Variants in PDS5A observed in about 807,000 individuals in gnomAD.
PDS5A encodes the protein PDS5 cohesin associated factor A.
In PDS5A, 42 loss-of-function variants were observed where a neutral mutation model predicts 167.1. The observed-to-expected ratio is 0.25, with a 90% CI of 0.20 to 0.33. The LOEUF (loss-of-function observed/expected upper bound fraction) is 0.33, where lower values mean the gene tolerates loss of function less well. Ranked by LOEUF, PDS5A falls within the 10% of genes least tolerant of loss-of-function variation. The pLI, the probability that PDS5A is intolerant of heterozygous loss-of-function variation, is 1.00. For synonymous variants in PDS5A, 553 were observed against 554.6 expected (o/e 1.00, Z 0.04); for missense variants, 1,033 against 1,605.9 (o/e 0.64, Z 6.10).
intron 28 of PDS5A, chr4:39,847,525 G>A (rs1578597231): frequency 1.3e-5 from 2 of 151,952 alleles, no homozygotes; most frequent in Non-Finnish European, 2.9e-5. Context: ...AACTGATTGA[G>A]CCAGGGAGTT....
chr4:39,894,450 A>G (rs1292721552), intron 16 of PDS5A, among the ~76,000 whole-genome samples: 1 of 152,112 alleles, frequency 6.6e-6, no homozygotes, highest in Non-Finnish European at 1.5e-5. Context: ...AAATTTAAAA[A>G]AGAAGTGCAA....
intron 2 of PDS5A, among the ~76,000 whole-genome samples, chr4:39,954,695 A>C (rs868729435): frequency 6.6e-6 from 1 of 151,376 alleles, no homozygotes; most frequent in Non-Finnish European, 1.5e-5. Flanking sequence ...AAAAAAAAAA[A>C]AACAGAAACA....
chr4:39,879,652 A>C, intron 18 of PDS5A, 76 bp downstream of exon 18: 2 of 759,742 alleles, frequency 2.6e-6, no homozygotes, highest in Non-Finnish European at 4.7e-6. Context: ...AATAAGCCTG[A>C]CTCTTGCATA....
chr4:39,892,016 T>TG (rs1184284614), intron 16 of PDS5A, among the ~76,000 whole-genome samples: 14 of 151,740 alleles, frequency 9.2e-5, no homozygotes, highest in Middle Eastern at 3.2e-3. Context: ...GAGGCTGAGG[T>TG]GGGGGGGATC....
intron 26 of PDS5A, among the ~76,000 whole-genome samples, chr4:39,857,589 T>C (rs1249866835): frequency 2.0e-5 from 3 of 152,064 alleles, no homozygotes; most frequent in Admixed American, 6.6e-5. Context: ...ACAGTAACCA[T>C]AAGAGAGATA....
chr4:39,956,396 G>T (rs770575227), intron 2 of PDS5A, among the ~76,000 whole-genome samples: 48 of 151,122 alleles, frequency 3.2e-4, no homozygotes, highest in Admixed American at 4.6e-4. Flanking sequence ...GGGAGGCTGA[G>T]GTGGGAGGAT....
chr4:39,848,712 C>T, intron 28 of PDS5A, 139 bp downstream of exon 28: 1 of 686,360 alleles, frequency 1.5e-6, no homozygotes, highest in Non-Finnish European at 2.5e-6. Context: ...CTGTGTAAGA[C>T]AATTTCCCAC....
At chr4:39,963,437 C>T (rs1454517488) in intron 2 of PDS5A, among the ~76,000 whole-genome samples, 2 of 151,018 alleles carry the variant, frequency 1.3e-5, no homozygotes, top group African/African-American at 4.9e-5. Flanking sequence ...TCAGCCTGGG[C>T]AAAAATAGCC....
intron 17 of PDS5A, among the ~76,000 whole-genome samples, chr4:39,885,968 GA>G (rs1321596585): frequency 2.0e-5 from 3 of 151,590 alleles, no homozygotes; most frequent in African/African-American, 7.3e-5. Context: ...AAAAGAGAAA[GA>G]AAAAAAAGCC....
intron 30 of PDS5A, 48 bp from the exon 31 acceptor site, chr4:39,842,104 G>C (rs754830715): frequency 1.7e-6 from 2 of 1,193,020 alleles, no homozygotes; most frequent in Non-Finnish European, 2.5e-6. Context: ...TGAAGAGAAA[G>C]TTCACTCTCT....
chr4:39,845,680 T>C, intron 29 of PDS5A, 138 bp downstream of exon 29: 1 of 975,378 alleles, frequency 1.0e-6, no homozygotes, highest in Non-Finnish European at 1.3e-6. Context: ...ATGGCTGCTT[T>C]AGATGCTTTA....
intron 2 of PDS5A, among the ~76,000 whole-genome samples, chr4:39,948,922 GC>G (rs961644419): frequency 1.3e-5 from 2 of 152,020 alleles, no homozygotes; most frequent in African/African-American, 4.8e-5. Flanking sequence ...ACTGAGCCCA[GC>G]CCAACCCCAT....
At chr4:39,919,235 C>A (rs891751879) in intron 7 of PDS5A, among the ~76,000 whole-genome samples, 4 of 151,910 alleles carry the variant, frequency 2.6e-5, no homozygotes, top group African/African-American at 9.7e-5. Context: ...GAAAGAAACA[C>A]TGAAAAGACC....
intron 32 of PDS5A, among the ~76,000 whole-genome samples, chr4:39,827,999 C>T (rs1230642735): frequency 6.6e-6 from 1 of 152,144 alleles, no homozygotes; most frequent in Non-Finnish European, 1.5e-5. Flanking sequence ...AGAGGAAAAA[C>T]AAGTGAACTA....
rs899423117 is a variant in PDS5A, at chr4:39,823,862, CTTGA to C, written c.*1619_*1622del. 2.6e-5 allele frequency: 4 copies of C among 152,606 alleles called. No individual in the cohort carries two copies. Among genetic ancestry groups the C allele is most frequent in the Admixed American group, 6.5e-5 (1 of 15,278 alleles). The allele number at this position is 152,606 out of a possible 1,614,324, so 9.5% of individuals were successfully genotyped here. On this transcript the variant is annotated 3_prime_UTR_variant, in exon 33 of 33. Coordinates refer to ENST00000303538, the MANE Select transcript of PDS5A (RefSeq NM_001100399.2). ...TCTTTCAGTCAATACACAGCCAACTCTTGATTATCTATGAGAAACGTAAGTGACA... is the reference window on the plus strand; with the variant it reads ...TCTTTCAGTCAATACACAGCCAACTCTTATCTATGAGAAACGTAAGTGACA...
chr4:39,855,831 GA>G (rs1290969885), intron 26 of PDS5A, among the ~76,000 whole-genome samples: 1 of 152,064 alleles, frequency 6.6e-6, no homozygotes, highest in Non-Finnish European at 1.5e-5. Context: ...ACAATCTAAT[GA>G]ACCTGCAAGA....
chr4:39,949,412 T>C (rs956042821), intron 2 of PDS5A, among the ~76,000 whole-genome samples: 4 of 151,130 alleles, frequency 2.6e-5, no homozygotes, highest in African/African-American at 9.7e-5. Context: ...TTATATGAAA[T>C]GTCCAGATCG....
chr4:39,842,908 T>TA (rs1421925195), intron 30 of PDS5A, among the ~76,000 whole-genome samples: 825 of 63,052 alleles, frequency 0.013, 16 homozygotes, highest in African/African-American at 0.031. Flanking sequence ...TTATCCTATT[T>TA]TTATATATAT....
chr4:39,904,276 T>A (rs1032620930), intron 11 of PDS5A, 85 bp from the exon 12 acceptor site: 1 of 843,970 alleles, frequency 1.2e-6, no homozygotes, highest in African/African-American at 1.7e-5. Context: ...CATTAGGTTG[T>A]ACAGTCTTAT....
Sources: gnomAD v4.1 joint callset for allele counts (sites outside exome capture counted in the v4.1 genomes callset) on GRCh38, gnomAD v4.1.1 for gene constraint, MANE v1.5 for transcripts, NCBI Gene and HGNC (gene_info 2026-07-23, HGNC 2026-07-21) for gene names.